The following OTOG variants were observed in gnomAD, a reference collection of about 807,000 sequenced individuals.
OTOG encodes otogelin.
In OTOG, 296 loss-of-function variants were observed where a neutral mutation model predicts 313.8. The ratio of observed to expected loss-of-function variants is 0.94; its 90% CI spans 0.86 to 1.04. OTOG has a LOEUF of 1.04. Ranked by LOEUF, OTOG falls within the 50% of genes least tolerant of loss-of-function variation. The pLI is 0.00. For missense variants in OTOG, 3,948 were observed against 3,840.1 expected (o/e 1.03, Z -0.74); for synonymous variants, 1,533 against 1,554.9 (o/e 0.99, Z 0.33).
rs1159354900 is a variant in OTOG at position 17,612,223 on chromosome 11, A to C, written c.6185A>C (p.Asn2062Thr). The part of the protein sequence containing the change: ...ICLEGQLIRV[N>T]QSQHCPQGAA... ...CTGGAGGGCCAGCTGATTCGCGTGA[A>C]TCAGTCCCAGCACTGTCCCCAGGGT... Residue 2062 changes from asparagine (N) to threonine (T), a missense_variant, in exon 37 of 56, where the codon AAT (asparagine) becomes ACT (threonine). Asn to Thr is a moderately conservative substitution (Grantham distance 65). Coordinates refer to ENST00000399397, the MANE Select transcript of OTOG (RefSeq NM_001292063.2). The C allele has an allele frequency of 1.3e-6, 2 of 1,549,252 alleles. No homozygotes were observed. Among genetic ancestry groups the C allele is most frequent in the Non-Finnish European group, 1.7e-6 (2 of 1,146,964 alleles).
In OTOG at chr11:17,612,614, C is replaced by A; in HGVS notation, c.6293-6C>A. On this transcript the variant is annotated splice_region_variant and splice_polypyrimidine_tract_variant and intron_variant, in intron 37 of 55. Transcript: ENST00000399397. ...CTATTCTTCTTGTGCCCTGCCCCTC[C>A]CCCAGGCCGGTGCTCAATCTTCCCT... 1 of 1,549,462 alleles carries A rather than the reference C, an allele frequency of 6.5e-7. No individual in the cohort carries two copies. Among genetic ancestry groups the A allele is most frequent in the Non-Finnish European group, 8.7e-7 (1 of 1,146,324 alleles).
chr11:17,591,309 C>T (rs928718788), intron 24 of OTOG, 141 bp from the exon 25 acceptor site: 2 of 1,165,262 alleles, frequency 1.7e-6, no homozygotes, highest in East Asian at 2.6e-5. Context: ...GCCCTCCAGG[C>T]TCCTGTTAGA....
chr11:17,638,133 C>T (rs1854307137), intron 47 of OTOG, among the ~76,000 whole-genome samples: 1 of 152,248 alleles, frequency 6.6e-6, no homozygotes, highest in African/African-American at 2.4e-5. Context: ...TGTTCCCCAT[C>T]AGCAGACCTT....
intron 45 of OTOG, 34 bp downstream of exon 45, chr11:17,634,982 G>A (rs1854227472): frequency 6.6e-7 from 1 of 1,525,438 alleles, no homozygotes. Context: ...GTGGGGGACG[G>A]ACTGAGGGCA....
At chr11:17,630,506 G>C (rs1375172476) in intron 40 of OTOG, among the ~76,000 whole-genome samples, 1 of 152,210 alleles carries the variant, frequency 6.6e-6, no homozygotes, top group African/African-American at 2.4e-5. Context: ...ATCATGGTTA[G>C]AGGTGTTAGA....
intron 35 of OTOG, 88 bp from the exon 36 acceptor site, chr11:17,609,567 C>G: frequency 8.1e-7 from 1 of 1,240,014 alleles, no homozygotes; most frequent in Non-Finnish European, 1.1e-6. Flanking sequence ...AGTGCCAGTC[C>G]TCAAGCCTCA....
rs1459646397 is a variant in OTOG, at chr11:17,557,163, T to G, written c.705T>G (p.Leu235=). The G allele has an allele frequency of 1.7e-5, 27 of 1,550,582 alleles. No individual in the cohort carries two copies. Among genetic ancestry groups the G allele is most frequent in the Non-Finnish European group, 2.2e-5 (25 of 1,147,004 alleles). The change falls in exon 8 of 56, where the codon CTT becomes CTG. Residue 235 remains leucine (L), a synonymous_variant. Coordinates refer to ENST00000399397, the MANE Select transcript of OTOG (RefSeq NM_001292063.2). ...TGGGGAGCGCGCGTCTGCAGCAGCT[T>G]GCCGGCTATGTCATCGTGCGGCATC... ...HVMGSARLQQ[L]AGYVIVRHQS...
chr11:17,552,079 A>C lies in OTOG; in HGVS notation c.292+4A>C, dbSNP rs535970426. 4.1e-4 allele frequency: 636 copies of C among 1,550,306 alleles called. 1 individual carries two copies. Among genetic ancestry groups the C allele is most frequent in the Non-Finnish European group, 5.2e-4 (601 of 1,146,712 alleles). On this transcript the variant is annotated splice_donor_region_variant and intron_variant, in intron 4 of 55. Coordinates refer to ENST00000399397, the MANE Select transcript of OTOG (RefSeq NM_001292063.2). ...CGGGCCAAGTGTGCACCATCCTGTA[A>C]GTGGCACCTTCACTGTGGTCCATGG... is the stretch of plus-strand genomic sequence containing the variant.
At chr11:17,575,185 CCT>C (rs1337035935) in intron 20 of OTOG, among the ~76,000 whole-genome samples, 1 of 152,244 alleles carries the variant, frequency 6.6e-6, no homozygotes, top group Non-Finnish European at 1.5e-5. Context: ...TCCTCATTCC[CCT>C]CTCCTTCCAC....
chr11:17,645,531 G>T (rs747879263), intron 54 of OTOG, 33 bp from the exon 55 acceptor site: 1 of 1,546,146 alleles, frequency 6.5e-7, no homozygotes, highest in South Asian at 1.2e-5. Flanking sequence ...GCCTGGTCTT[G>T]GCCACAGCTG....
At chr11:17,586,344 A>G (rs564983162) in intron 23 of OTOG, 130 bp from the exon 24 acceptor site, 2 of 434,456 alleles carry the variant, frequency 4.6e-6, no homozygotes, top group African/African-American at 4.1e-5. Context: ...GGGAGTGAAT[A>G]CACAGTCAGT....
chr11:17,580,680 G>T (rs780591220), intron 23 of OTOG, among the ~76,000 whole-genome samples: 3 of 152,244 alleles, frequency 2.0e-5, no homozygotes, highest in Non-Finnish European at 4.4e-5. Context: ...AAGGAAGGCA[G>T]TGAGCCAGCC....
In OTOG at chr11:17,638,566, G is replaced by A. The variant is rs1431449312; in HGVS notation, c.7894+17G>A. The A allele has an allele frequency of 1.9e-6, 3 of 1,547,770 alleles. No individual in the cohort carries two copies. Among genetic ancestry groups the A allele is most frequent in the Admixed American group, 2.0e-5 (1 of 50,968 alleles). The stretch of plus-strand genomic sequence containing the variant: ...AATCCTGTGGTGAGTCCGTGGTCAG[G>A]ACAGCCTCCCCGCTGGGAGATCCAG... On this transcript the variant is annotated intron_variant, in intron 48 of 55. Transcript: ENST00000399397.
chr11:17,635,550 C>A, intron 46 of OTOG, 60 bp from the exon 47 acceptor site: 1 of 1,364,698 alleles, frequency 7.3e-7, no homozygotes, highest in Non-Finnish European at 1.0e-6. Flanking sequence ...CAGCAACGTG[C>A]TGTGTGCCAG....
At position 17,560,896 on chromosome 11, in the gene OTOG, C is replaced by T. The variant is rs1247867054; in HGVS notation, c.1451+79C>T. Reference sequence around the variant, plus strand: ...CACGAGGGCTGCCCATCTGGGAGCACTAATGGCTGGCGTCGGGGCACTCAC... The same window carrying T: ...CACGAGGGCTGCCCATCTGGGAGCATTAATGGCTGGCGTCGGGGCACTCAC... On this transcript the variant is annotated intron_variant, in intron 13 of 55. Coordinates refer to ENST00000399397, the MANE Select transcript of OTOG (RefSeq NM_001292063.2). 1.4e-5 allele frequency: 18 copies of T among 1,323,476 alleles called. No homozygotes were observed. The East Asian group carries it at 3.8e-4, about 28-fold the overall frequency. 82.0% of individuals were successfully genotyped at this position (1,323,476 alleles called of 1,614,324 possible).
At chr11:17,591,812 G>T (rs1852947085) in intron 25 of OTOG, among the ~76,000 whole-genome samples, 1 of 152,200 alleles carries the variant, frequency 6.6e-6, no homozygotes, top group African/African-American at 2.4e-5. Flanking sequence ...TTATAATCTT[G>T]CTCTGTTGGG....
chr11:17,642,100 C>G (rs1174973856), intron 52 of OTOG, 27 bp from the exon 53 acceptor site: 3 of 1,529,896 alleles, frequency 2.0e-6, no homozygotes, highest in Non-Finnish European at 2.6e-6. Context: ...GGCCACAGCT[C>G]CCATTACCTA....
chr11:17,625,333 A>T (rs965723384), intron 39 of OTOG, among the ~76,000 whole-genome samples: 2 of 152,178 alleles, frequency 1.3e-5, no homozygotes, highest in African/African-American at 4.8e-5. Flanking sequence ...TGTTCCTTTA[A>T]CACGTAGTTT....
intron 48 of OTOG, 159 bp downstream of exon 48, chr11:17,638,708 C>T (rs759074452): frequency 1.1e-5 from 17 of 1,531,880 alleles, no homozygotes; most frequent in Non-Finnish European, 1.5e-5. Flanking sequence ...TCTGCATCCG[C>T]ACTCCAAGTG....
Sources: gnomAD v4.1 joint callset for allele counts (sites outside exome capture counted in the v4.1 genomes callset) on GRCh38, gnomAD v4.1.1 for gene constraint, MANE v1.5 for transcripts, NCBI Gene and HGNC (gene_info 2026-07-23, HGNC 2026-07-21) for gene names.